INPP4B: variants seen among roughly 807,000 people sequenced by gnomAD.
INPP4B encodes inositol polyphosphate 4-phosphatase type II.
Under a neutral mutation model 122.5 loss-of-function variants are expected in INPP4B, and 55 were observed. The ratio of observed to expected loss-of-function variants is 0.45; its 90% CI spans 0.36 to 0.56. INPP4B has a LOEUF of 0.56. Among genes scored for constraint, INPP4B ranks in the 20% least tolerant of loss-of-function variants. The pLI is 0.00. For missense variants in INPP4B, 1,000 were observed against 1,097.7 expected, an observed-to-expected ratio of 0.91 and a Z score of 1.26; for synonymous variants, 403 against 388.7, an observed-to-expected ratio of 1.04 and a Z score of -0.43.
intron 2 of INPP4B, among the ~76,000 whole-genome samples, chr4:142,693,483 TAAAAAAAAAAAAAAAAAAAAAAAAA>T (rs554003993): frequency 3.8e-4 from 20 of 52,436 alleles, no homozygotes; most frequent in South Asian, 1.7e-3. Context: ...TGCCTTTTTC[TAAAAAAAAAAAAAAAAAAAAAAAAA>T]AAAAAAAAAA....
At chr4:142,247,881 CAAAG>C (rs1282157672) in intron 11 of INPP4B, among the ~76,000 whole-genome samples, 4 of 151,964 alleles carry the variant, frequency 2.6e-5, no homozygotes, top group African/African-American at 9.7e-5. Flanking sequence ...AAATCTTTCT[CAAAG>C]AAAGAAAAAT....
At chr4:142,120,591 C>T (rs572523973) in intron 21 of INPP4B, among the ~76,000 whole-genome samples, 2 of 152,038 alleles carry the variant, frequency 1.3e-5, no homozygotes, top group African/African-American at 2.4e-5. Flanking sequence ...AAGTTAGACT[C>T]GTTAATCTAA....
chr4:142,567,929 AT>A (rs1208488691), intron 2 of INPP4B, among the ~76,000 whole-genome samples: 1 of 152,184 alleles, frequency 6.6e-6, no homozygotes, highest in Admixed American at 6.5e-5. Context: ...TACCTAAGAC[AT>A]TGCTTGGCTC....
intron 2 of INPP4B, among the ~76,000 whole-genome samples, chr4:142,549,575 C>G (rs1727479306): frequency 6.6e-6 from 1 of 152,124 alleles, no homozygotes; most frequent in Non-Finnish European, 1.5e-5. Context: ...ACTAAGATGT[C>G]TTTACCTTCT....
chr4:142,133,260 T>C (rs534576021), intron 18 of INPP4B, among the ~76,000 whole-genome samples: 31 of 152,188 alleles, frequency 2.0e-4, no homozygotes, highest in Non-Finnish European at 2.8e-4. Context: ...ATCTACATAA[T>C]AACAATTTCC....
chr4:142,229,171 G>A (rs1010420248), intron 12 of INPP4B, among the ~76,000 whole-genome samples: 1 of 151,466 alleles, frequency 6.6e-6, no homozygotes, highest in African/African-American at 2.4e-5. Flanking sequence ...ATATATTGAT[G>A]TATAATATAA....
chr4:142,687,211 T>C (rs1172800964), intron 2 of INPP4B, among the ~76,000 whole-genome samples: 1 of 152,020 alleles, frequency 6.6e-6, no homozygotes, highest in African/African-American at 2.4e-5. Context: ...AGCAGAGAAC[T>C]GGGAGGATTA....
intron 2 of INPP4B, among the ~76,000 whole-genome samples, chr4:142,601,763 A>T (rs945053280): frequency 6.6e-6 from 1 of 151,858 alleles, no homozygotes; most frequent in South Asian, 2.1e-4. Context: ...AGGTCAGGAG[A>T]TCAAGACCAT....
At chr4:142,678,930 C>T (rs1758193830) in intron 2 of INPP4B, among the ~76,000 whole-genome samples, 1 of 151,660 alleles carries the variant, frequency 6.6e-6, no homozygotes, top group African/African-American at 2.4e-5. Flanking sequence ...TTCTCTAATC[C>T]TTAACAATTC....
chr4:142,317,277 G>A (rs965061065), intron 7 of INPP4B: 29 of 364,210 alleles, frequency 8.0e-5, no homozygotes, highest in South Asian at 1.8e-4. Flanking sequence ...TACCAAAACC[G>A]CAGAGGAGCC....
chr4:142,066,973 A>G (rs2152461533), intron 25 of INPP4B, among the ~76,000 whole-genome samples: 1 of 152,298 alleles, frequency 6.6e-6, no homozygotes, highest in Middle Eastern at 3.4e-3. Context: ...TGAAGAGAGT[A>G]GTGGTTCAAC....
chr4:142,575,099 A>C (rs192409730), intron 2 of INPP4B, among the ~76,000 whole-genome samples: 1 of 152,108 alleles, frequency 6.6e-6, no homozygotes, highest in Non-Finnish European at 1.5e-5. Flanking sequence ...GATCGAAAGA[A>C]GGAAAATTTA....
intron 3 of INPP4B, among the ~76,000 whole-genome samples, chr4:142,431,800 C>T (rs1010840854): frequency 6.6e-6 from 1 of 152,070 alleles, no homozygotes; most frequent in African/African-American, 2.4e-5. Flanking sequence ...CTCATCTCTC[C>T]ATCCACCCTT....
intron 14 of INPP4B, among the ~76,000 whole-genome samples, chr4:142,193,607 A>G (rs1836923841): frequency 6.6e-6 from 1 of 152,156 alleles, no homozygotes; most frequent in South Asian, 2.1e-4. Context: ...TTACATAGAA[A>G]AAAAACCCAA....
chr4:142,083,962 G>A (rs867921552), intron 24 of INPP4B, among the ~76,000 whole-genome samples: 15 of 152,082 alleles, frequency 9.9e-5, no homozygotes, highest in Middle Eastern at 3.4e-3. Flanking sequence ...TTAAAGTCTA[G>A]TGGAGGTAAG....
intron 6 of INPP4B, 152 bp from the exon 7 acceptor site, chr4:142,403,206 C>G (rs954245775): frequency 1.6e-6 from 1 of 621,138 alleles, no homozygotes; most frequent in African/African-American, 1.8e-5. Context: ...TCAAATCCTG[C>G]TCTTGGGCAA....
chr4:142,567,027 T>A (rs1731759191), intron 2 of INPP4B, among the ~76,000 whole-genome samples: 1 of 152,116 alleles, frequency 6.6e-6, no homozygotes, highest in Non-Finnish European at 1.5e-5. Flanking sequence ...TCAAACGCTA[T>A]CCTTTTACAC....
At chr4:142,768,935 C>T (rs1451385640) in intron 1 of INPP4B, among the ~76,000 whole-genome samples, 1 of 151,960 alleles carries the variant, frequency 6.6e-6, no homozygotes, top group Admixed American at 6.6e-5. Flanking sequence ...TATGGAGGAT[C>T]GATTTGTAGA....
At chr4:142,680,665 A>G (rs776482168) in intron 2 of INPP4B, among the ~76,000 whole-genome samples, 1 of 151,836 alleles carries the variant, frequency 6.6e-6, no homozygotes, top group African/African-American at 2.4e-5. Context: ...CTTTCATACA[A>G]ATTATTTTTA....
Sources: gnomAD v4.1 joint callset for allele counts (sites outside exome capture counted in the v4.1 genomes callset) on GRCh38, gnomAD v4.1.1 for gene constraint, MANE v1.5 for transcripts, NCBI Gene and HGNC (gene_info 2026-07-23, HGNC 2026-07-21) for gene names.